Variants in ANXA13 observed in about 807,000 individuals in gnomAD.
ANXA13 encodes annexin A13, also known as annexin XIII.
A neutral mutation model predicts 46.6 loss-of-function variants in ANXA13; 36 were observed. The observed-to-expected ratio is 0.77, with a 90% CI of 0.59 to 1.02. ANXA13 has a LOEUF of 1.02. Among genes scored for constraint, ANXA13 ranks in the 50% least tolerant of loss-of-function variants. The pLI, the probability that ANXA13 is intolerant of heterozygous loss-of-function variation, is 0.00. For synonymous variants in ANXA13, 163 were observed against 152.9 expected (o/e 1.07, Z -0.49); for missense variants, 417 against 396.5 (o/e 1.05, Z -0.44).
chr8:123,708,110 G>A (rs926211298), intron 2 of ANXA13, among the ~76,000 whole-genome samples: 2 of 152,092 alleles, frequency 1.3e-5, no homozygotes, highest in South Asian at 2.1e-4. Context: ...AAGCAGTGCC[G>A]CTGAATGATT....
chr8:123,730,007 G>T (rs141712650), intron 1 of ANXA13, among the ~76,000 whole-genome samples: 1 of 152,096 alleles, frequency 6.6e-6, no homozygotes, highest in Non-Finnish European at 1.5e-5. Context: ...TCACTCTGTC[G>T]TCTTCCTTTC....
At chr8:123,723,505 C>T (rs1813926013) in intron 1 of ANXA13, among the ~76,000 whole-genome samples, 1 of 152,194 alleles carries the variant, frequency 6.6e-6, no homozygotes, top group Non-Finnish European at 1.5e-5. Context: ...ATGGTTGGCC[C>T]TGCTAGCTGG....
intron 1 of ANXA13, among the ~76,000 whole-genome samples, chr8:123,719,436 A>G (rs1198722083): frequency 6.6e-6 from 1 of 152,212 alleles, no homozygotes; most frequent in Non-Finnish European, 1.5e-5. Context: ...AGTTGACTCC[A>G]TGATTTATGA....
At chr8:123,735,551 C>A (rs554517967) in intron 1 of ANXA13, among the ~76,000 whole-genome samples, 1 of 152,232 alleles carries the variant, frequency 6.6e-6, no homozygotes, top group East Asian at 1.9e-4. Flanking sequence ...AGAAACTAAG[C>A]CCCTAGAAGA....
chr8:123,710,845 A>C (rs986994644), intron 2 of ANXA13, among the ~76,000 whole-genome samples: 1 of 152,212 alleles, frequency 6.6e-6, no homozygotes, highest in African/African-American at 2.4e-5. Flanking sequence ...AATGCCTGAA[A>C]GTTTAACCGT....
At position 123,681,225 on chromosome 8, in the gene ANXA13, T is replaced by G. The variant is rs558469036; in HGVS notation, c.*15A>C. 10 of 1,593,808 alleles carry G rather than the reference T, an allele frequency of 6.3e-6. No homozygotes were observed. The highest frequency in any genetic ancestry group is 7.7e-6 in the Non-Finnish European group (9 of 1,170,838). On this transcript the variant is annotated 3_prime_UTR_variant, in exon 11 of 11. Coordinates refer to ENST00000419625, the MANE Select transcript of ANXA13 (RefSeq NM_004306.4). The stretch of plus-strand genomic sequence containing the variant: ...AAGGCGGTTCCACCCTGTGTTCCTA[T>G]TGCCCTGGCTTGGCTCAGTGCAAGA...
intron 1 of ANXA13, chr8:123,735,988 G>T: frequency 8.3e-7 from 1 of 1,200,178 alleles, no homozygotes; most frequent in Non-Finnish European, 1.1e-6. Flanking sequence ...TGAATGCAGG[G>T]TCCATTGATT....
intron 1 of ANXA13, 21 bp from the exon 2 acceptor site, chr8:123,712,774 G>A: frequency 1.2e-6 from 2 of 1,610,648 alleles, no homozygotes; most frequent in South Asian, 2.2e-5. Flanking sequence ...TAATTGAAAA[G>A]GTGAGATGAC....
At chr8:123,707,131 C>G (rs759947033) in intron 2 of ANXA13, among the ~76,000 whole-genome samples, 1 of 152,200 alleles carries the variant, frequency 6.6e-6, no homozygotes, top group Non-Finnish European at 1.5e-5. Context: ...CAGTATTTAT[C>G]AGATGACTTG....
In ANXA13 at chr8:123,693,198, A is replaced by G; in HGVS notation, c.641T>C (p.Ile214Thr). ...TTGCCCCAATACTTTATGACTTACAATTTGATAGGCTTGAAAGGTGGCTCG... is the reference window on the plus strand; with the variant it reads ...TTGCCCCAATACTTTATGACTTACAGTTTGATAGGCTTGAAAGGTGGCTCG... The part of the protein sequence containing the change: ...QLRATFQAYQ[I>T]LIGKDIEEAI... The change falls in exon 8 of 11, where the codon ATT becomes ACT. Residue 214 changes from isoleucine to threonine, a missense_variant and splice_region_variant. Physicochemically the swap from Ile to Thr is moderately conservative, Grantham distance 89. Transcript: ENST00000419625. 1.2e-6 allele frequency: 2 copies of G among 1,613,856 alleles called. No individual in the cohort carries two copies. Among genetic ancestry groups the G allele is most frequent in the Non-Finnish European group, 1.7e-6 (2 of 1,179,808 alleles).
At chr8:123,702,145 T>C (rs1486575153) in intron 3 of ANXA13, among the ~76,000 whole-genome samples, 1 of 152,190 alleles carries the variant, frequency 6.6e-6, no homozygotes, top group Non-Finnish European at 1.5e-5. Context: ...GAAAGCCTAA[T>C]GCATACTTGA....
At chr8:123,683,317 G>T (rs564836726) in intron 10 of ANXA13, among the ~76,000 whole-genome samples, 1 of 152,042 alleles carries the variant, frequency 6.6e-6, no homozygotes, top group South Asian at 2.1e-4. Context: ...TTGTTGCAAA[G>T]TTATATTTAA....
chr8:123,714,260 C>T lies in ANXA13; in HGVS notation c.16-1507G>A, dbSNP rs572325722. Among the ~76,000 whole-genome samples the T allele has an allele frequency of 5.6e-4, 86 of 152,262 alleles. 1 individual carries two copies. The highest frequency in any genetic ancestry group is 1.1e-3 in the Non-Finnish European group (77 of 68,022). On this transcript the variant is annotated intron_variant, in intron 1 of 10. Coordinates refer to ENST00000419625, the MANE Select transcript of ANXA13 (RefSeq NM_004306.4). ...CTGCCCTTGGTCACCAATGTAGGCA[C>T]GTGTCCTGTGACTCTGGCAATCAGG... is the stretch of plus-strand genomic sequence containing the variant.
chr8:123,710,821 A>G (rs181002119), intron 2 of ANXA13, among the ~76,000 whole-genome samples: 3 of 152,356 alleles, frequency 2.0e-5, no homozygotes, highest in Non-Finnish European at 2.9e-5. Context: ...TTTTGTATAT[A>G]AAGTGCTTAG....
At chr8:123,684,761 C>T (rs201789757) in intron 9 of ANXA13, 39 bp from the exon 10 acceptor site, 11 of 1,498,728 alleles carry the variant, frequency 7.3e-6, no homozygotes, top group East Asian at 2.3e-5. Flanking sequence ...GAGGCTTTCA[C>T]GTTTTGTGGA....
At chr8:123,695,779 G>C in intron 4 of ANXA13, 58 bp from the exon 5 acceptor site, 2 of 1,438,952 alleles carry the variant, frequency 1.4e-6, no homozygotes, top group African/African-American at 1.4e-5. Context: ...ATCAATAAGA[G>C]ATACAGAGAG....
rs1225388472 is a variant in ANXA13, at chr8:123,690,282, C to A, written c.643-1336G>T. ...TTCCATTTCTATTGTTAATACCAGG[C>A]TAGAGCAGGGATTTTAAATTTTCTG... On this transcript the variant is annotated intron_variant, in intron 8 of 10. Coordinates refer to ENST00000419625, the MANE Select transcript of ANXA13 (RefSeq NM_004306.4). This position sits in a 1 kb window ranked among gnomAD's most constrained non-coding sequence, Gnocchi z 4.6. Among the ~76,000 whole-genome samples the A allele has an allele frequency of 6.6e-6, 1 of 152,160 alleles. No individual in the cohort carries two copies. The highest frequency in any genetic ancestry group is 1.5e-5 in the Non-Finnish European group (1 of 68,028).
intron 4 of ANXA13, among the ~76,000 whole-genome samples, chr8:123,696,774 T>C (rs759341459): frequency 1.7e-4 from 26 of 152,284 alleles, no homozygotes; most frequent in Non-Finnish European, 3.2e-4. Flanking sequence ...TGGCACCCAC[T>C]CTCTGCAGGT....
At chr8:123,707,223 G>T (rs1483649982) in intron 2 of ANXA13, among the ~76,000 whole-genome samples, 1 of 152,166 alleles carries the variant, frequency 6.6e-6, no homozygotes, top group African/African-American at 2.4e-5. Context: ...GATGAATGAG[G>T]AAGTTTGCAT....
Sources: gnomAD v4.1 joint callset for allele counts (sites outside exome capture counted in the v4.1 genomes callset) on GRCh38, gnomAD v4.1.1 for gene constraint, Gnocchi (gnomAD v3.1) non-coding constraint, MANE v1.5 for transcripts, NCBI Gene and HGNC (gene_info 2026-07-23, HGNC 2026-07-21) for gene names.